RPS6KC1: variants seen among roughly 807,000 people sequenced by gnomAD.
The protein encoded by RPS6KC1 is ribosomal protein S6 kinase C1.
In RPS6KC1, 54 loss-of-function variants were observed where a neutral mutation model predicts 103.8. That is an observed-to-expected ratio of 0.52 (90% CI 0.42 to 0.65). The LOEUF is 0.65. Ranked by LOEUF, RPS6KC1 falls within the 30% of genes least tolerant of loss-of-function variation. The pLI is 0.00. For missense variants in RPS6KC1, 1,151 were observed against 1,253.8 expected (o/e 0.92, Z 1.24); for synonymous variants, 439 against 438.7 (o/e 1.00, Z -0.01).
intron 6 of RPS6KC1, among the ~76,000 whole-genome samples, chr1:213,148,099 C>T (rs948517962): frequency 4.6e-5 from 7 of 152,164 alleles, no homozygotes; most frequent in African/African-American, 1.4e-4. Flanking sequence ...TTTCTTGTCT[C>T]TTTAAGTTTT....
chr1:213,077,771 C>T lies in RPS6KC1; in HGVS notation c.217C>T (p.Arg73Ter), dbSNP rs202093150. The T allele has an allele frequency of 2.4e-5, 38 of 1,564,690 alleles. No individual in the cohort carries two copies. The highest frequency in any genetic ancestry group is 2.7e-5 in the Non-Finnish European group (31 of 1,148,892). ...ATGGCAAATTCACAAAAACTTATTCCGACATTCAGAGTTGTTTCCTCCATT... is the reference window on the plus strand; with the variant it reads ...ATGGCAAATTCACAAAAACTTATTCTGACATTCAGAGTTGTTTCCTCCATT... Reference protein sequence around the residue: ...ELWQIHKNLFRHSELFPPFAK... With the variant: ...ELWQIHKNLF Residue 73 changes from arginine (R) to a stop codon, truncating the protein, a stop_gained, in exon 3 of 15, where the codon CGA (arginine) becomes TGA (stop). Coordinates refer to ENST00000366960, the MANE Select transcript of RPS6KC1 (RefSeq NM_012424.6). LOFTEE classifies it high-confidence loss of function.
At position 213,068,767 on chromosome 1, in the gene RPS6KC1, T is replaced by C. The variant is rs2078583667; in HGVS notation, c.106-2239T>C. On this transcript the variant is annotated intron_variant, in intron 1 of 14. Coordinates refer to ENST00000366960, the MANE Select transcript of RPS6KC1 (RefSeq NM_012424.6). ...TGGTTCTCACTTATAATCCTAGCAC[T>C]GTGGGAGGCTGAGGCGGGAGGATTG... 2.6e-5 allele frequency among the ~76,000 whole-genome samples: 4 copies of C among 151,346 alleles called. No individual in the cohort carries two copies. The South Asian group carries it at 8.3e-4, about 32-fold the overall frequency.
At chr1:213,329,359 T>G in the RPS6KC1 span, among the ~76,000 whole-genome samples, 1 of 152,046 alleles carries the variant, frequency 6.6e-6, no homozygotes, top group African/African-American at 2.4e-5. Flanking sequence ...GCATTTTAAT[T>G]CCATGTGGAG....
At chr1:213,674,411 T>G in the RPS6KC1 span, among the ~76,000 whole-genome samples, 1 of 152,248 alleles carries the variant, frequency 6.6e-6, no homozygotes, top group East Asian at 1.9e-4. Context: ...TATATTAGTG[T>G]GCTTAGGATA....
the RPS6KC1 span, among the ~76,000 whole-genome samples, chr1:213,862,722 A>G: frequency 6.6e-6 from 1 of 152,252 alleles, no homozygotes; most frequent in Non-Finnish European, 1.5e-5. Flanking sequence ...AAAAGAGACC[A>G]CTAATTATCA....
intron 3 of RPS6KC1, among the ~76,000 whole-genome samples, chr1:213,087,933 G>A (rs116827526): frequency 6.6e-5 from 10 of 152,224 alleles, no homozygotes; most frequent in African/African-American, 2.2e-4. Flanking sequence ...TGGAGAGTAC[G>A]CTCCTAATAA....
intron 7 of RPS6KC1, among the ~76,000 whole-genome samples, chr1:213,174,657 C>T (rs1008743342): frequency 5.6e-5 from 7 of 124,568 alleles, no homozygotes; most frequent in African/African-American, 9.4e-5. Flanking sequence ...GCGACAAGAG[C>T]GAAACTCCAT....
chr1:213,120,689 A>G (rs1278651723), intron 5 of RPS6KC1, among the ~76,000 whole-genome samples: 4 of 152,180 alleles, frequency 2.6e-5, no homozygotes, highest in Admixed American at 1.3e-4. Context: ...ATTTTAAGCC[A>G]TGTTTTAAAG....
chr1:213,553,187 A>G, the RPS6KC1 span, among the ~76,000 whole-genome samples: 1 of 151,998 alleles, frequency 6.6e-6, no homozygotes, highest in African/African-American at 2.4e-5. Flanking sequence ...GTAGGCCCTA[A>G]TGTCTATTGC....
chr1:213,183,305 C>A (rs2092373423), intron 8 of RPS6KC1, among the ~76,000 whole-genome samples: 1 of 152,052 alleles, frequency 6.6e-6, no homozygotes, highest in Non-Finnish European at 1.5e-5. Context: ...ATACCATCAA[C>A]CAACAAAATG....
intron 1 of RPS6KC1, among the ~76,000 whole-genome samples, chr1:213,058,379 T>C (rs2077530904): frequency 6.6e-6 from 1 of 152,120 alleles, no homozygotes; most frequent in Non-Finnish European, 1.5e-5. Flanking sequence ...AATGTTTTCT[T>C]CTAGATAACT....
At chr1:213,136,267 A>G (rs1472376776) in intron 6 of RPS6KC1, among the ~76,000 whole-genome samples, 1 of 152,128 alleles carries the variant, frequency 6.6e-6, no homozygotes, top group African/African-American at 2.4e-5. Context: ...AGCTCCAATA[A>G]AAGCCTCAGG....
At chr1:213,178,185 CAAAA>C (rs1366518323) in intron 8 of RPS6KC1, among the ~76,000 whole-genome samples, 1 of 108,200 alleles carries the variant, frequency 9.2e-6, no homozygotes, top group Admixed American at 9.5e-5. Flanking sequence ...GACTCTGTCT[CAAAA>C]TAAATAAATA....
At chr1:213,614,826 A>T in the RPS6KC1 span, among the ~76,000 whole-genome samples, 11 of 152,190 alleles carry the variant, frequency 7.2e-5, no homozygotes, top group Non-Finnish European at 1.5e-4. Context: ...AACCTTCAGG[A>T]TTGTGATCCA....
intron 8 of RPS6KC1, among the ~76,000 whole-genome samples, chr1:213,199,462 A>C (rs1250192284): frequency 6.6e-6 from 1 of 152,232 alleles, no homozygotes; most frequent in Non-Finnish European, 1.5e-5. Context: ...TCAGGCTAAA[A>C]ACTCTCAATA....
chr1:213,850,180 T>A, the RPS6KC1 span, among the ~76,000 whole-genome samples: 2 of 152,204 alleles, frequency 1.3e-5, no homozygotes, highest in African/African-American at 4.8e-5. Context: ...GCTCCTACCT[T>A]TAATAAGAAT....
At chr1:213,415,093 C>A in the RPS6KC1 span, among the ~76,000 whole-genome samples, 1 of 152,218 alleles carries the variant, frequency 6.6e-6, no homozygotes, top group African/African-American at 2.4e-5. Context: ...TCAATTAACT[C>A]ATTATTAACT....
rs373262353 is a variant in RPS6KC1 at position 213,096,907 on chromosome 1, T to C, written c.263-7547T>C. 1.5e-4 allele frequency among the ~76,000 whole-genome samples: 23 copies of C among 152,238 alleles called. No homozygotes were observed. In the South Asian group the frequency reaches 4.6e-3, roughly 30 times the overall value. ...TATATTATATACACACAGAAATATA[T>C]AGGTAAATAAGGAGGATTGAAAGTA... On this transcript the variant is annotated intron_variant, in intron 3 of 14. Coordinates refer to ENST00000366960, the MANE Select transcript of RPS6KC1 (RefSeq NM_012424.6).
chr1:213,226,409 T>C (rs1165471060), intron 8 of RPS6KC1, among the ~76,000 whole-genome samples: 1 of 152,176 alleles, frequency 6.6e-6, no homozygotes, highest in Non-Finnish European at 1.5e-5. Context: ...CAAATGTGTT[T>C]TCATGTTTTG....
Sources: gnomAD v4.1 joint callset for allele counts (sites outside exome capture counted in the v4.1 genomes callset) on GRCh38, gnomAD v4.1.1 for gene constraint, MANE v1.5 for transcripts, NCBI Gene and HGNC (gene_info 2026-07-23, HGNC 2026-07-21) for gene names.